DMD: variants seen among roughly 807,000 people sequenced by gnomAD.
DMD encodes dystrophin.
A neutral mutation model predicts 330.1 loss-of-function variants in DMD; 63 were observed. The observed-to-expected ratio is 0.19, with a 90% CI of 0.16 to 0.24. The LOEUF (loss-of-function observed/expected upper bound fraction) is 0.24, where lower values mean the gene tolerates loss of function less well. Ranked by LOEUF, DMD falls within the 10% of genes least tolerant of loss-of-function variation. The probability of loss-of-function intolerance (pLI) is 1.00; values close to 1 mark genes in which losing one functional copy is unlikely to be tolerated. For missense variants in DMD, 3,344 were observed against 2,684.1 expected, an observed-to-expected ratio of 1.25 and a Z score of -5.43; for synonymous variants, 1,223 against 959.8, an observed-to-expected ratio of 1.27 and a Z score of -5.07.
chrX:31,270,652 T>C (rs750528695), intron 62 of DMD, among the ~76,000 whole-genome samples: 3 of 112,008 alleles, frequency 2.7e-5, no homozygotes, highest in Non-Finnish European at 5.6e-5. Flanking sequence ...GGGCTTAGTG[T>C]GACAATCTGG....
intron 2 of DMD, among the ~76,000 whole-genome samples, chrX:32,886,327 A>C (rs112097649): frequency 1.0e-4 from 11 of 109,872 alleles, no homozygotes; most frequent in African/African-American, 3.7e-4. Context: ...AACTGGTAAA[A>C]AATAATAATA....
chrX:32,421,304 T>C (rs2098188580), intron 29 of DMD, among the ~76,000 whole-genome samples: 1 of 111,663 alleles, frequency 9.0e-6, no homozygotes, highest in Non-Finnish European at 1.9e-5. Context: ...GGTTTTCTAA[T>C]ATTTTGTCCT....
At chrX:33,146,111 G>T (rs923304402) in intron 1 of DMD, among the ~76,000 whole-genome samples, 1 of 110,224 alleles carries the variant, frequency 9.1e-6, no homozygotes, top group African/African-American at 3.3e-5. Context: ...GGCCAGGATG[G>T]TCTTGATCTC....
At chrX:32,590,866 T>A (rs1484855069) in intron 13 of DMD, among the ~76,000 whole-genome samples, 1 of 111,619 alleles carries the variant, frequency 9.0e-6, no homozygotes, top group Non-Finnish European at 1.9e-5. Context: ...CACCTTGTAA[T>A]CATGTGAGCC....
At chrX:31,492,996 C>T (rs1352096603) in intron 57 of DMD, among the ~76,000 whole-genome samples, 1 of 111,075 alleles carries the variant, frequency 9.0e-6, no homozygotes, top group African/African-American at 3.3e-5. Context: ...GCACTTTCTG[C>T]ACATGTATCC....
At chrX:31,172,230 C>T (rs2040067060) in intron 73 of DMD, 118 bp downstream of exon 73, 5 of 575,901 alleles carry the variant, frequency 8.7e-6, no homozygotes, top group Non-Finnish European at 1.2e-5. Flanking sequence ...ATGAATGGCT[C>T]CTTAAAAGAT....
At chrX:32,471,229 G>A (rs758166061) in intron 22 of DMD, among the ~76,000 whole-genome samples, 94 of 111,738 alleles carry the variant, frequency 8.4e-4, no homozygotes, top group Non-Finnish European at 1.5e-3. Context: ...AGTGAGCCGA[G>A]ATAGCACTGC....
chrX:31,281,032 G>GA (rs2052573620), intron 62 of DMD, among the ~76,000 whole-genome samples: 1 of 111,503 alleles, frequency 9.0e-6, no homozygotes, highest in African/African-American at 3.3e-5. Context: ...AATAAAACAG[G>GA]AAAAAAATAA....
intron 52 of DMD, among the ~76,000 whole-genome samples, chrX:31,725,990 T>A (rs1467482536): frequency 8.9e-6 from 1 of 112,386 alleles, no homozygotes; most frequent in Non-Finnish European, 1.9e-5. Flanking sequence ...TAATCTTATC[T>A]GCTTTTGGTC....
In DMD at chrX:31,453,765, C is replaced by CAAAAAAAAAAAAAAAA. The variant is rs760511403; in HGVS notation, c.8938-9154_8938-9139dup. Among the ~76,000 whole-genome samples the CAAAAAAAAAAAAAAAA allele has an allele frequency of 2.5e-3, 22 of 8,977 alleles. 3 individuals are homozygous for CAAAAAAAAAAAAAAAA. Among genetic ancestry groups the CAAAAAAAAAAAAAAAA allele is most frequent in the East Asian group, 4.6e-3 (1 of 217 alleles). 7.8% of individuals were successfully genotyped at this position (8,977 alleles called of 115,157 possible). On this transcript the variant is annotated intron_variant, in intron 59 of 78. Coordinates refer to ENST00000357033, the MANE Select transcript of DMD (RefSeq NM_004006.3). ...CTCCCCTTTATAGACAAAAAACAAG[C>CAAAAAAAAAAAAAAAA]AAAAAAAAAAAAAAAAAAAAAAAAA...
At chrX:32,523,993 C>A (rs1247118968) in intron 17 of DMD, among the ~76,000 whole-genome samples, 4 of 101,444 alleles carry the variant, frequency 3.9e-5, no homozygotes, top group African/African-American at 1.1e-4. Context: ...AGTGCAGTGG[C>A]GCGATCTCGG....
At chrX:33,214,026 C>T (rs112515420), upstream of DMD, among the ~76,000 whole-genome samples, 5,724 of 96,249 alleles carry the variant, frequency 0.059, 411 homozygotes, top group African/African-American at 0.2. Flanking sequence ...TGCAATGATT[C>T]GGTATGTAAC....
chrX:31,874,030 C>A (rs1188116332), intron 48 of DMD, among the ~76,000 whole-genome samples: 1 of 111,529 alleles, frequency 9.0e-6, no homozygotes, highest in Non-Finnish European at 1.9e-5. Flanking sequence ...ATGAAATACT[C>A]AGGTGTATAA....
Position 31,159,138 on chromosome X carries a change from A to C in DMD, c.10553+10305T>G, listed in dbSNP as rs756439841. ...CACATTTATGTACCCAGTGCTGTGG[A>C]GATAAAGATATATGTAGGACACTGT... On this transcript the variant is annotated intron_variant, in intron 74 of 78. Transcript: ENST00000357033. Among the ~76,000 whole-genome samples, 9 of 112,170 alleles carry C rather than the reference A, an allele frequency of 8.0e-5. No homozygotes were observed. The East Asian group carries it at 2.5e-3, about 31-fold the overall frequency.
chrX:32,376,712 AAT>A (rs1491194955), intron 34 of DMD, among the ~76,000 whole-genome samples: 17 of 106,825 alleles, frequency 1.6e-4, no homozygotes, highest in African/African-American at 4.7e-4. Flanking sequence ...TAGAGAATCC[AAT>A]TTTTTTTTTT....
At chrX:33,187,861 T>A (rs1383204772) in intron 1 of DMD, among the ~76,000 whole-genome samples, 1 of 111,852 alleles carries the variant, frequency 8.9e-6, no homozygotes, top group Non-Finnish European at 1.9e-5. Context: ...TAATTACGTA[T>A]ATACATATAC....
At chrX:32,554,935 AAGAAAG>A (rs1345731336) in intron 16 of DMD, among the ~76,000 whole-genome samples, 43 of 28,304 alleles carry the variant, frequency 1.5e-3, no homozygotes, top group Non-Finnish European at 2.0e-3. Flanking sequence ...GAAAGAAAGA[AAGAAAG>A]AGAGAGAGAG....
At chrX:31,624,621 A>G (rs2078739719) in intron 55 of DMD, among the ~76,000 whole-genome samples, 1 of 112,020 alleles carries the variant, frequency 8.9e-6, no homozygotes, top group Admixed American at 9.4e-5. Context: ...TATGAAGTAA[A>G]TCATCACTAC....
At chrX:31,221,550 G>T (rs761300430) in intron 64 of DMD, among the ~76,000 whole-genome samples, 1 of 112,726 alleles carries the variant, frequency 8.9e-6, no homozygotes, top group South Asian at 3.6e-4. Flanking sequence ...ATTCCACACA[G>T]TTAGCTGTTC....
Sources: gnomAD v4.1 joint callset for allele counts (sites outside exome capture counted in the v4.1 genomes callset) on GRCh38, gnomAD v4.1.1 for gene constraint, MANE v1.5 for transcripts, NCBI Gene and HGNC (gene_info 2026-07-23, HGNC 2026-07-21) for gene names.